The following TMEM132B variants were observed in gnomAD, a reference collection of about 807,000 sequenced individuals.
TMEM132B encodes transmembrane protein 132B.
A neutral mutation model predicts 90.8 loss-of-function variants in TMEM132B; 18 were observed. The ratio of observed to expected loss-of-function variants is 0.20; its 90% CI spans 0.14 to 0.29. TMEM132B has a LOEUF of 0.29. TMEM132B is among the 10% of genes least tolerant of loss of function. The pLI is 1.00. For missense variants in TMEM132B, 1,096 were observed against 1,326.8 expected (o/e 0.83, Z 2.70); for synonymous variants, 504 against 523.3 (o/e 0.96, Z 0.50).
At chr12:125,568,336 C>T (rs905524580) in intron 4 of TMEM132B, among the ~76,000 whole-genome samples, 2 of 152,190 alleles carry the variant, frequency 1.3e-5, no homozygotes, top group African/African-American at 4.8e-5. Flanking sequence ...ATAATAATCA[C>T]ATCAAGGTAA....
At chr12:125,578,983 T>C (rs961207664) in intron 4 of TMEM132B, among the ~76,000 whole-genome samples, 2 of 152,212 alleles carry the variant, frequency 1.3e-5, no homozygotes, top group Non-Finnish European at 2.9e-5. Context: ...TTAATGTTTT[T>C]AATAAAATCT....
intron 1 of TMEM132B, among the ~76,000 whole-genome samples, chr12:125,247,329 G>A (rs941085987): frequency 5.3e-5 from 8 of 152,144 alleles, no homozygotes; most frequent in African/African-American, 1.9e-4. Flanking sequence ...GGACAGTTTC[G>A]TATAACAGGC....
chr12:125,243,309 AT>A (rs767896932), intron 1 of TMEM132B, among the ~76,000 whole-genome samples: 3,802 of 135,438 alleles, frequency 0.028, 94 homozygotes, highest in Non-Finnish European at 0.038. Context: ...TGGCTGGCTA[AT>A]TTTTTTTTTT....
At position 125,576,110 on chromosome 12, in the gene TMEM132B, C is replaced by T. The variant is rs139204818; in HGVS notation, c.1294-7741C>T. Among the ~76,000 whole-genome samples the T allele has an allele frequency of 6.9e-3, 1,053 of 152,040 alleles. 17 individuals carry two copies. The highest frequency in any genetic ancestry group is 0.023 in the African/African-American group (941 of 41,510). On this transcript the variant is annotated intron_variant, in intron 4 of 8. Transcript: ENST00000682704. ...AATATTAAGTTTTCCAATCTATGAACGTAGGATACATTTTATTTATTTATT... is the reference window on the plus strand; with the variant it reads ...AATATTAAGTTTTCCAATCTATGAATGTAGGATACATTTTATTTATTTATT...
chr12:125,358,340 A>G (rs750047430), intron 2 of TMEM132B, among the ~76,000 whole-genome samples: 35 of 152,128 alleles, frequency 2.3e-4, no homozygotes, highest in Non-Finnish European at 4.3e-4. Context: ...CTTAATGCTA[A>G]TATCTTATGT....
chr12:125,396,735 G>A (rs1217115274), intron 2 of TMEM132B, among the ~76,000 whole-genome samples: 1 of 151,992 alleles, frequency 6.6e-6, no homozygotes, highest in Non-Finnish European at 1.5e-5. Flanking sequence ...TCAAACTCTT[G>A]GGTGCAAGTG....
At chr12:125,549,332 C>A (rs1884163990) in intron 4 of TMEM132B, among the ~76,000 whole-genome samples, 1 of 152,232 alleles carries the variant, frequency 6.6e-6, no homozygotes, top group African/African-American at 2.4e-5. Context: ...GCTCTGAGGT[C>A]TCTAGAAAAC....
rs186580928 is a variant in TMEM132B at position 125,332,470 on chromosome 12, G to A, written c.68-16982G>A. On this transcript the variant is annotated intron_variant, in intron 1 of 8. Transcript: ENST00000682704. ...TTCTGTCATCTTCTCTCAATTAAGC[G>A]CAGCTCCCCAGAAGCAGGCTGTGCC... is the stretch of plus-strand genomic sequence containing the variant. Among the ~76,000 whole-genome samples the A allele has an allele frequency of 5.9e-5, 9 of 151,350 alleles. No homozygotes were observed. In the Middle Eastern group the frequency reaches 0.01, roughly 175 times the overall value.
chr12:125,204,836 C>T (rs538465865), intron 1 of TMEM132B, among the ~76,000 whole-genome samples: 1,281 of 112,086 alleles, frequency 0.011, 20 homozygotes, highest in African/African-American at 0.043. Context: ...ATGAGGGCTC[C>T]GTGTACCAGG....
chr12:125,556,478 C>T (rs765057112), intron 4 of TMEM132B, among the ~76,000 whole-genome samples: 12 of 152,052 alleles, frequency 7.9e-5, no homozygotes, highest in Admixed American at 1.3e-4. Flanking sequence ...AAGAAAAACC[C>T]GGGGGATGTG....
chr12:125,475,332 C>A (rs986662694), intron 3 of TMEM132B, among the ~76,000 whole-genome samples: 27 of 152,114 alleles, frequency 1.8e-4, no homozygotes, highest in African/African-American at 6.0e-4. Context: ...AGCTGCTGGC[C>A]TAAGGAGAGA....
rs116675304 is a variant in TMEM132B, at chr12:125,390,262, G to T, written c.960-25269G>T. On this transcript the variant is annotated intron_variant, in intron 2 of 8. Transcript: ENST00000682704. The stretch of plus-strand genomic sequence containing the variant: ...AGTGTCCATCAACAGTGGAATGGAT[G>T]AATAAGCCACAGTATATTCATGCAG... Among the ~76,000 whole-genome samples the T allele has an allele frequency of 7.8e-3, 1,187 of 152,320 alleles. 25 individuals are homozygous for T. The highest frequency in any genetic ancestry group is 0.027 in the African/African-American group (1,130 of 41,570).
intron 1 of TMEM132B, among the ~76,000 whole-genome samples, chr12:125,303,424 C>G (rs1417729968): frequency 6.6e-6 from 1 of 152,164 alleles, no homozygotes; most frequent in Non-Finnish European, 1.5e-5. Context: ...TTTTTGGATA[C>G]TATGAGTGAT....
intron 2 of TMEM132B, among the ~76,000 whole-genome samples, chr12:125,392,867 C>T (rs1879065218): frequency 6.6e-6 from 1 of 152,174 alleles, no homozygotes; most frequent in Non-Finnish European, 1.5e-5. Flanking sequence ...ATTCAAGTGG[C>T]AATTGGATGT....
chr12:125,342,578 A>T (rs1295561664), intron 1 of TMEM132B, among the ~76,000 whole-genome samples: 1 of 152,232 alleles, frequency 6.6e-6, no homozygotes, highest in Non-Finnish European at 1.5e-5. Context: ...AGCTGGGAGC[A>T]GGAACTATCT....
intron 6 of TMEM132B, among the ~76,000 whole-genome samples, chr12:125,645,838 G>A (rs1455328557): frequency 6.6e-6 from 1 of 152,194 alleles, no homozygotes; most frequent in Non-Finnish European, 1.5e-5. Context: ...TACAGAGCCT[G>A]TTGCCCAGGG....
chr12:125,353,095 T>A (rs1877642759), intron 2 of TMEM132B, among the ~76,000 whole-genome samples: 3 of 152,218 alleles, frequency 2.0e-5, no homozygotes, highest in Non-Finnish European at 4.4e-5. Flanking sequence ...AGACCAAGAA[T>A]GGCCAAGGGA....
intron 3 of TMEM132B, among the ~76,000 whole-genome samples, chr12:125,510,919 AT>A (rs1882960590): frequency 6.6e-6 from 1 of 152,252 alleles, no homozygotes; most frequent in African/African-American, 2.4e-5. Context: ...TATAATGAGC[AT>A]GCCATGTAAT....
chr12:125,203,969 GTA>G (rs1555231663), intron 1 of TMEM132B, among the ~76,000 whole-genome samples: 1 of 152,228 alleles, frequency 6.6e-6, no homozygotes, highest in Non-Finnish European at 1.5e-5. Flanking sequence ...GGGCTGAGAA[GTA>G]TAGAGAACCT....
Sources: gnomAD v4.1 joint callset for allele counts (sites outside exome capture counted in the v4.1 genomes callset) on GRCh38, gnomAD v4.1.1 for gene constraint, MANE v1.5 for transcripts, NCBI Gene and HGNC (gene_info 2026-07-23, HGNC 2026-07-21) for gene names.